Variants in DDAH1 observed in about 807,000 individuals in gnomAD.
DDAH1 encodes the protein dimethylarginine dimethylaminohydrolase 1, also known as N(G),N(G)-dimethylarginine dimethylaminohydrolase 1.
In DDAH1, 19 loss-of-function variants were observed where a neutral mutation model predicts 28.8. The observed-to-expected ratio is 0.66, with a 90% confidence interval of 0.46 to 0.97. DDAH1 has a LOEUF of 0.97. DDAH1 is among the 50% of genes least tolerant of loss of function. DDAH1 has a pLI of 0.00. For synonymous variants in DDAH1, 153 were observed against 154.4 expected (o/e 0.99, Z 0.07); for missense variants, 326 against 375.9 (o/e 0.87, Z 1.10).
At chr1:85,484,029 A>G (rs1656106856) in intron 2 of DDAH1, among the ~76,000 whole-genome samples, 1 of 152,144 alleles carries the variant, frequency 6.6e-6, no homozygotes, top group Non-Finnish European at 1.5e-5. Flanking sequence ...AGATTTAAAG[A>G]ATATCAAGAA....
intron 1 of DDAH1, among the ~76,000 whole-genome samples, chr1:85,542,799 CA>C (rs1394745875): frequency 6.6e-6 from 1 of 152,150 alleles, no homozygotes; most frequent in Non-Finnish European, 1.5e-5. Flanking sequence ...GTCAAAGAAA[CA>C]CAGGTTTTTA....
chr1:85,498,162 C>A (rs1656665939), intron 1 of DDAH1, among the ~76,000 whole-genome samples: 2 of 152,196 alleles, frequency 1.3e-5, no homozygotes, highest in Non-Finnish European at 2.9e-5. Context: ...TCTTCTCCTT[C>A]TCCAGGGTGA....
rs1221509797 is a variant in DDAH1, at chr1:85,536,970, TATATATATATATATAC to T, written c.-122-40705_-122-40690del. 3.6e-3 allele frequency among the ~76,000 whole-genome samples: 264 copies of T among 73,330 alleles called. 1 individual carries two copies. Among genetic ancestry groups the T allele is most frequent in the Middle Eastern group, 8.9e-3 (1 of 112 alleles). 48.1% of individuals were successfully genotyped at this position (73,330 alleles called of 152,430 possible). On this transcript the variant is annotated intron_variant, in intron 1 of 6. Transcript: ENST00000426972. ...TGGCATATATATATATATATATATA[TATATATATATATATAC>T]GTATATACATACACACAGTGTGTAT...
chr1:85,342,763 CTT>C (rs1648584186), intron 4 of DDAH1, among the ~76,000 whole-genome samples: 1 of 152,172 alleles, frequency 6.6e-6, no homozygotes, highest in African/African-American at 2.4e-5. Flanking sequence ...AAGCTGGGCA[CTT>C]TTGGAAGTTG....
At chr1:85,459,653 G>A (rs1655044349) in intron 1 of DDAH1, among the ~76,000 whole-genome samples, 2 of 152,164 alleles carry the variant, frequency 1.3e-5, no homozygotes, top group Admixed American at 1.3e-4. Context: ...ATTATGGTTT[G>A]GGGCAGCTTT....
chr1:85,463,641 C>G (rs1655222752), intron 1 of DDAH1, among the ~76,000 whole-genome samples: 1 of 152,184 alleles, frequency 6.6e-6, no homozygotes, highest in African/African-American at 2.4e-5. Flanking sequence ...ATGTGGCATT[C>G]CATCAACCAA....
In DDAH1 at chr1:85,451,367, C is replaced by A. The variant is rs141193763; in HGVS notation, c.303+13376G>T. Reference sequence around the variant, plus strand: ...CATATAAAGGCAGAAAGAAGAGGGACTGATCACTGATGGAAGAGCTACTCT... The same window carrying A: ...CATATAAAGGCAGAAAGAAGAGGGAATGATCACTGATGGAAGAGCTACTCT... On this transcript the variant is annotated intron_variant, in intron 1 of 5. Coordinates refer to ENST00000284031, the MANE Select transcript of DDAH1 (RefSeq NM_012137.4). Among the ~76,000 whole-genome samples the A allele has an allele frequency of 3.7e-3, 560 of 152,246 alleles. 4 individuals are homozygous for A. The highest frequency in any genetic ancestry group is 0.013 in the African/African-American group (543 of 41,538).
chr1:85,326,423 A>T (rs1647399385), intron 4 of DDAH1, among the ~76,000 whole-genome samples: 1 of 152,224 alleles, frequency 6.6e-6, no homozygotes, highest in African/African-American at 2.4e-5. Flanking sequence ...AACATTTTAC[A>T]TTTATTATCT....
chr1:85,445,970 G>C (rs1278983890), intron 1 of DDAH1, among the ~76,000 whole-genome samples: 1 of 152,144 alleles, frequency 6.6e-6, no homozygotes, highest in Non-Finnish European at 1.5e-5. Context: ...CTGACCACTT[G>C]TTAGAATGGC....
chr1:85,331,687 T>C (rs1255756706), intron 4 of DDAH1, among the ~76,000 whole-genome samples: 1 of 152,220 alleles, frequency 6.6e-6, no homozygotes, highest in Non-Finnish European at 1.5e-5. Context: ...ACTGATAGCA[T>C]ATTTTCATGT....
At chr1:85,545,002 G>C (rs930213934) in intron 1 of DDAH1, among the ~76,000 whole-genome samples, 2 of 152,200 alleles carry the variant, frequency 1.3e-5, no homozygotes, top group African/African-American at 4.8e-5. Context: ...TTGGAGAAGA[G>C]CTAGGGGAGC....
intron 1 of DDAH1, chr1:85,575,732 G>C (rs894706549): frequency 6.6e-6 from 1 of 152,234 alleles, no homozygotes; most frequent in African/African-American, 2.4e-5. Flanking sequence ...GAGATAGAGA[G>C]TAGGCAGTAT....
chr1:85,459,223 A>G (rs74712609), intron 1 of DDAH1, among the ~76,000 whole-genome samples: 1 of 152,250 alleles, frequency 6.6e-6, no homozygotes. Context: ...AAGAATTCAA[A>G]TACATGCAAA....
At chr1:85,431,661 T>A (rs891380676) in intron 1 of DDAH1, among the ~76,000 whole-genome samples, 7 of 152,102 alleles carry the variant, frequency 4.6e-5, no homozygotes, top group Middle Eastern at 3.4e-3. Flanking sequence ...CCACATGCCT[T>A]CCCTTGTGCA....
At chr1:85,456,904 G>C (rs1271272853) in intron 1 of DDAH1, among the ~76,000 whole-genome samples, 1 of 152,134 alleles carries the variant, frequency 6.6e-6, no homozygotes, top group Non-Finnish European at 1.5e-5. Flanking sequence ...GCAAACTCAG[G>C]AAATGTTTAA....
chr1:85,524,812 C>A (rs2051002), intron 1 of DDAH1, among the ~76,000 whole-genome samples: 2 of 150,588 alleles, frequency 1.3e-5, no homozygotes, highest in African/African-American at 4.9e-5. Context: ...AGTGTCCCAA[C>A]AAGAAAAATG....
chr1:85,511,596 C>T (rs1657235651), intron 1 of DDAH1, among the ~76,000 whole-genome samples: 1 of 152,030 alleles, frequency 6.6e-6, no homozygotes, highest in Admixed American at 6.5e-5. Context: ...AATTGATAGA[C>T]CACTAGCAAG....
intron 1 of DDAH1, chr1:85,379,556 G>C (rs550924848): frequency 1.0e-6 from 1 of 979,154 alleles, no homozygotes; most frequent in East Asian, 1.1e-4. Context: ...TCTACAGAAA[G>C]GAAACTGAGG....
At chr1:85,328,134 T>C (rs1317703523) in intron 4 of DDAH1, among the ~76,000 whole-genome samples, 1 of 152,202 alleles carries the variant, frequency 6.6e-6, no homozygotes, top group Non-Finnish European at 1.5e-5. Context: ...AAGGTTTGTC[T>C]GTTTTTCAAA....
Sources: gnomAD v4.1 joint callset for allele counts (sites outside exome capture counted in the v4.1 genomes callset) on GRCh38, gnomAD v4.1.1 for gene constraint, MANE v1.5 for transcripts, NCBI Gene and HGNC (gene_info 2026-07-23, HGNC 2026-07-21) for gene names.